The following BZW2 variants were observed in gnomAD, a reference collection of about 807,000 sequenced individuals.
The protein encoded by BZW2 is eIF5-mimic protein 1.
BZW2 carries 23 observed loss-of-function variants against 53.2 expected under a neutral mutation model. The ratio of observed to expected loss-of-function variants is 0.43; its 90% CI spans 0.31 to 0.61. BZW2 has a LOEUF of 0.61. BZW2 is among the 20% of genes least tolerant of loss of function. BZW2 has a pLI of 0.09. For synonymous variants in BZW2, 227 were observed against 186.4 expected (o/e 1.22, Z -1.77); for missense variants, 409 against 503.1 (o/e 0.81, Z 1.79).
At chr7:16,699,364 G>A (rs1167334235) in intron 10 of BZW2, among the ~76,000 whole-genome samples, 1 of 152,150 alleles carries the variant, frequency 6.6e-6, no homozygotes, top group African/African-American at 2.4e-5. Flanking sequence ...AAACCTGCAA[G>A]CCATGTTACC....
At chr7:16,662,759 G>T (rs1252469263) in intron 1 of BZW2, among the ~76,000 whole-genome samples, 1 of 151,884 alleles carries the variant, frequency 6.6e-6, no homozygotes, top group Admixed American at 6.6e-5. Context: ...CTCTAAGGAG[G>T]TAGAGAGAGA....
chr7:16,672,757 T>C (rs1273283250), intron 2 of BZW2, among the ~76,000 whole-genome samples: 2 of 152,200 alleles, frequency 1.3e-5, no homozygotes, highest in Non-Finnish European at 2.9e-5. Context: ...ATCCCTGCTT[T>C]GTTCAAGACC....
chr7:16,660,822 A>G (rs11771285), intron 1 of BZW2, among the ~76,000 whole-genome samples: 40,971 of 151,980 alleles, frequency 0.27, 6,001 homozygotes, highest in Non-Finnish European at 0.31. Context: ...ATTGGATACA[A>G]TGCGCTAGAA....
intron 3 of BZW2, among the ~76,000 whole-genome samples, chr7:16,680,958 G>C (rs1485855136): frequency 6.6e-6 from 1 of 152,042 alleles, no homozygotes; most frequent in Non-Finnish European, 1.5e-5. Flanking sequence ...ATAAAAATTA[G>C]CCAGGCATGG....
chr7:16,657,514 C>G (rs549052927), intron 1 of BZW2, among the ~76,000 whole-genome samples: 1 of 152,058 alleles, frequency 6.6e-6, no homozygotes, highest in Non-Finnish European at 1.5e-5. Flanking sequence ...TTTTTCTGCT[C>G]TCTTTAAAAC....
intron 1 of BZW2, among the ~76,000 whole-genome samples, chr7:16,661,035 T>C (rs1782245258): frequency 6.6e-6 from 1 of 152,174 alleles, no homozygotes; most frequent in African/African-American, 2.4e-5. Context: ...TTTATTTCTT[T>C]ACAAAAAATG....
chr7:16,657,731 A>G (rs1201091308), intron 1 of BZW2, among the ~76,000 whole-genome samples: 3 of 152,092 alleles, frequency 2.0e-5, no homozygotes, highest in African/African-American at 7.2e-5. Context: ...ACGAGTAAGT[A>G]GTTCAATAAA....
At position 16,700,448 on chromosome 7, in the gene BZW2, G is replaced by A. The variant is rs560957347; in HGVS notation, c.1108+2262G>A. The stretch of plus-strand genomic sequence containing the variant: ...GTAAAGATTTGGATGCTCTCATTCC[G>A]TGTTTTATATGCCTAGAGGGAGACT... On this transcript the variant is annotated intron_variant, in intron 10 of 11. Coordinates refer to ENST00000258761, the MANE Select transcript of BZW2 (RefSeq NM_014038.3). Among the ~76,000 whole-genome samples, 49 of 152,228 alleles carry A rather than the reference G, an allele frequency of 3.2e-4. No individual in the cohort carries two copies. In the South Asian group the frequency reaches 7.7e-3, roughly 24 times the overall value.
intron 3 of BZW2, among the ~76,000 whole-genome samples, chr7:16,680,838 G>A (rs868274758): frequency 6.6e-6 from 1 of 152,122 alleles, no homozygotes; most frequent in Non-Finnish European, 1.5e-5. Context: ...AGGTGCAGTG[G>A]CTCACACCTG....
chr7:16,660,608 A>G (rs1027488006), intron 1 of BZW2, among the ~76,000 whole-genome samples: 2 of 152,120 alleles, frequency 1.3e-5, no homozygotes, highest in African/African-American at 4.8e-5. Flanking sequence ...TTATCTTTGT[A>G]TCAAATTTAA....
chr7:16,660,010 C>G (rs558413480), intron 1 of BZW2, among the ~76,000 whole-genome samples: 1 of 151,864 alleles, frequency 6.6e-6, no homozygotes, highest in East Asian at 1.9e-4. Flanking sequence ...CTCCCCCACC[C>G]CACAACAGGC....
chr7:16,660,542 C>T (rs1027990065), intron 1 of BZW2, among the ~76,000 whole-genome samples: 4 of 151,866 alleles, frequency 2.6e-5, no homozygotes, highest in African/African-American at 7.3e-5. Flanking sequence ...GACTACTCTT[C>T]GAGCTACTTT....
chr7:16,678,722 A>G (rs1001052912), intron 3 of BZW2, among the ~76,000 whole-genome samples: 3 of 152,112 alleles, frequency 2.0e-5, no homozygotes, highest in Non-Finnish European at 4.4e-5. Context: ...CCAGCCCCCA[A>G]TATTTCAACG....
chr7:16,689,854 C>T lies in BZW2; in HGVS notation c.599C>T (p.Ala200Val). Reference sequence around the variant, plus strand: ...AAAGCATGGATGGCAGAAAAAGATGCCAACTCTGTTACCTCGTCTTTGAGA... The same window carrying T: ...AAAGCATGGATGGCAGAAAAAGATGTCAACTCTGTTACCTCGTCTTTGAGA... ...LFKAWMAEKD[A>V]NSVTSSLRKA... Residue 200 changes from alanine (A) to valine (V), a missense_variant, in exon 7 of 12, where the codon GCC (alanine) becomes GTC (valine). This residue lies in a region of BZW2 where 316 missense variants were observed against 366.8 expected (regional missense o/e 0.86). Coordinates refer to ENST00000258761, the MANE Select transcript of BZW2 (RefSeq NM_014038.3). The T allele has an allele frequency of 1.2e-6, 2 of 1,611,898 alleles. No individual in the cohort carries two copies. Among genetic ancestry groups the T allele is most frequent in the Non-Finnish European group, 1.7e-6 (2 of 1,178,942 alleles).
At chr7:16,679,020 G>T (rs529157812) in intron 3 of BZW2, among the ~76,000 whole-genome samples, 2 of 152,250 alleles carry the variant, frequency 1.3e-5, no homozygotes, top group South Asian at 4.1e-4. Context: ...GAAGGTCCAT[G>T]TCCCGCTGGG....
At chr7:16,649,499 G>A (rs1396505113) in intron 1 of BZW2, among the ~76,000 whole-genome samples, 1 of 152,130 alleles carries the variant, frequency 6.6e-6, no homozygotes, top group African/African-American at 2.4e-5. Flanking sequence ...TTGTGCACAT[G>A]TTACAAATTT....
At chr7:16,656,016 T>G (rs1043579272) in intron 1 of BZW2, among the ~76,000 whole-genome samples, 3 of 152,048 alleles carry the variant, frequency 2.0e-5, no homozygotes, top group African/African-American at 7.2e-5. Context: ...CAGTAAATTT[T>G]AACATAGATA....
rs759167537 is a variant in BZW2 at position 16,689,804 on chromosome 7, G to A, written c.549G>A (p.Ala183=). Residue 183 remains alanine, a synonymous_variant, in exon 7 of 12, where the codon GCG becomes GCA. Coordinates refer to ENST00000258761, the MANE Select transcript of BZW2 (RefSeq NM_014038.3). Reference sequence around the variant, plus strand: ...TCTTTTGTTTTTCAACAGGCATTGCGGCCTCATTTGCTGTCAAGCTTTTCA... The same window carrying A: ...TCTTTTGTTTTTCAACAGGCATTGCAGCCTCATTTGCTGTCAAGCTTTTCA... ...FTDSLVKEGI[A]ASFAVKLFKA... 1.1e-5 allele frequency: 18 copies of A among 1,604,726 alleles called. No individual in the cohort carries two copies. Among genetic ancestry groups the A allele is most frequent in the African/African-American group, 2.7e-5 (2 of 74,626 alleles).
intron 6 of BZW2, chr7:16,687,246 A>G (rs1181326218): frequency 6.6e-6 from 1 of 152,162 alleles, no homozygotes; most frequent in Non-Finnish European, 1.5e-5. Context: ...TCATTGTTCA[A>G]TTTGTTCAAC....
Sources: allele counts gnomAD v4.1 joint callset (sites outside exome capture counted in the v4.1 genomes callset), GRCh38; gene constraint gnomAD v4.1.1; regional missense constraint gnomAD v4.1.1; transcripts MANE v1.5; gene names NCBI Gene and HGNC (gene_info 2026-07-23, HGNC 2026-07-21).